SEL1L3: variants seen among roughly 807,000 people sequenced by gnomAD.
SEL1L3 encodes SEL1L family member 3, also known as protein sel-1 homolog 3.
SEL1L3 carries 76 observed loss-of-function variants against 142.8 expected under a neutral mutation model. The ratio of observed to expected loss-of-function variants is 0.53; its 90% CI spans 0.44 to 0.64. SEL1L3 has a LOEUF of 0.64. SEL1L3 is among the 30% of genes least tolerant of loss of function. SEL1L3 has a pLI of 0.00. For missense variants in SEL1L3, 1,262 were observed against 1,381.7 expected (o/e 0.91, Z 1.37); for synonymous variants, 504 against 519.6 (o/e 0.97, Z 0.41).
At chr4:25,824,128 G>A (rs1714943004) in intron 6 of SEL1L3, among the ~76,000 whole-genome samples, 1 of 152,192 alleles carries the variant, frequency 6.6e-6, no homozygotes, top group African/African-American at 2.4e-5. Flanking sequence ...TATTTAAGGA[G>A]AGGCCATAAA....
At chr4:25,748,641 C>T in intron 23 of SEL1L3, 77 bp from the exon 24 acceptor site, 1 of 1,478,148 alleles carries the variant, frequency 6.8e-7, no homozygotes. Flanking sequence ...CCTAGAGACT[C>T]TGGCAAGCCA....
rs1713432849 is a variant in SEL1L3 at position 25,804,677 on chromosome 4, C to T, written c.1640G>A (p.Ser547Asn). Residue 547 changes from serine (S) to asparagine (N), a missense_variant, in exon 10 of 24, where the codon AGC becomes AAC. Physicochemically the swap from Ser to Asn is conservative, Grantham distance 46. Around this residue, in one of 3 missense-constraint regions of SEL1L3, gnomAD observed 689 missense variants for 692.8 expected, o/e 0.99. Coordinates refer to ENST00000399878, the MANE Select transcript of SEL1L3 (RefSeq NM_015187.5). Reference protein sequence around the residue: ...IFEKAVKRLSSIDGLHQISSI... With the variant: ...IFEKAVKRLSNIDGLHQISSI... ...GCTAATTTGGTGAAGACCATCAATG[C>T]TAGAGAGTCTCTTTACAGCCTTCTC... The T allele has an allele frequency of 6.2e-7, 1 of 1,613,586 alleles. No individual in the cohort carries two copies. The highest frequency in any genetic ancestry group is 1.7e-5 in the Admixed American group (1 of 60,012).
intron 16 of SEL1L3, chr4:25,777,781 C>G (rs985669374): frequency 2.2e-6 from 1 of 454,086 alleles, no homozygotes; most frequent in African/African-American, 2.0e-5. Flanking sequence ...AGTTTATCAC[C>G]AAGGTCAGGT....
chr4:25,754,732 T>C (rs1717841437), intron 23 of SEL1L3, among the ~76,000 whole-genome samples: 1 of 152,172 alleles, frequency 6.6e-6, no homozygotes, highest in Non-Finnish European at 1.5e-5. Flanking sequence ...CAAAATCTAC[T>C]GAACTAGAAT....
intron 23 of SEL1L3, among the ~76,000 whole-genome samples, chr4:25,752,471 A>G (rs1292505404): frequency 6.6e-6 from 1 of 152,094 alleles, no homozygotes; most frequent in African/African-American, 2.4e-5. Flanking sequence ...CTAACAGCAA[A>G]GAAAAACATA....
At position 25,748,059 on chromosome 4, in the gene SEL1L3, A is replaced by C. The variant is rs985127255; in HGVS notation, c.*366T>G. The C allele has an allele frequency of 1.1e-5, 2 of 182,936 alleles. No homozygotes were observed. The highest frequency in any genetic ancestry group is 4.7e-5 in the African/African-American group (2 of 42,454). 11.3% of individuals were successfully genotyped at this position (182,936 alleles called of 1,614,324 possible). ...TTTTCTGTTCTTCAATAAAGGGATG[A>C]AGCACGCACTGTGATTCTTAAGACA... On this transcript the variant is annotated 3_prime_UTR_variant, in exon 24 of 24. Coordinates refer to ENST00000399878, the MANE Select transcript of SEL1L3 (RefSeq NM_015187.5).
intron 23 of SEL1L3, chr4:25,756,083 G>A (rs1473037641): frequency 5.1e-6 from 5 of 985,254 alleles, no homozygotes; most frequent in Admixed American, 6.2e-5. Context: ...CCTTCTCACC[G>A]TGGAAGAGAC....
At chr4:25,719,688 T>C in the SEL1L3 span, 2 of 152,146 alleles carry the variant, frequency 1.3e-5, no homozygotes, top group African/African-American at 4.8e-5. Context: ...ATTACAGAAT[T>C]TTTAGAGAAT....
the SEL1L3 span, among the ~76,000 whole-genome samples, chr4:25,722,730 T>G: frequency 1.3e-5 from 2 of 150,848 alleles, no homozygotes; most frequent in African/African-American, 4.9e-5. Flanking sequence ...ATGCTGGGAT[T>G]ACAGACATGA....
chr4:25,738,612 A>G, the SEL1L3 span, among the ~76,000 whole-genome samples: 1 of 152,204 alleles, frequency 6.6e-6, no homozygotes, highest in Non-Finnish European at 1.5e-5. Context: ...GAATACCAAT[A>G]AACATTCACC....
In SEL1L3 at chr4:25,833,559, A is replaced by G. The variant is rs1336547955; in HGVS notation, c.871T>C (p.Ser291Pro). Reference protein sequence around the residue: ...QRMDYPVFTVSLWLYLLHYCK... With the variant: ...QRMDYPVFTVPLWLYLLHYCK... ...TAATGGAGTAAATAAAGCCACAATG[A>G]AACAGTAAACCTATAAGAGTGAGGG... Residue 291 changes from serine (S) to proline (P), a missense_variant, in exon 4 of 24, where the codon TCA (serine) becomes CCA (proline). Around this residue, in one of 3 missense-constraint regions of SEL1L3, gnomAD observed 689 missense variants for 692.8 expected, o/e 0.99. Transcript: ENST00000399878. The G allele has an allele frequency of 6.2e-7, 1 of 1,611,472 alleles. No homozygotes were observed. Among genetic ancestry groups the G allele is most frequent in the Non-Finnish European group, 8.5e-7 (1 of 1,178,742 alleles).
At chr4:25,835,830 G>A (rs182410575) in intron 2 of SEL1L3, among the ~76,000 whole-genome samples, 269 of 152,258 alleles carry the variant, frequency 1.8e-3, no homozygotes, top group Non-Finnish European at 2.5e-3. Context: ...ACAGAGGCAC[G>A]GTTGCCAAAA....
intron 12 of SEL1L3, 108 bp downstream of exon 12, chr4:25,790,347 A>C: frequency 9.3e-7 from 1 of 1,070,622 alleles, no homozygotes; most frequent in Non-Finnish European, 1.4e-6. Flanking sequence ...AGTGAGAAAT[A>C]AACTGGCATT....
At chr4:25,816,417 G>A (rs1158278401) in intron 9 of SEL1L3, among the ~76,000 whole-genome samples, 41 of 151,978 alleles carry the variant, frequency 2.7e-4, no homozygotes, top group Admixed American at 2.6e-3. Flanking sequence ...ACAACATGAC[G>A]CAGCCTCCTG....
rs761292089 is a variant in SEL1L3, at chr4:25,747,682, G to A, written c.*743C>T. ...TAGAGGCTTACTTGCTGCATATTCC[G>A]TTGCTGCCAGTCTATTCTAACGTGT... On this transcript the variant is annotated 3_prime_UTR_variant, in exon 24 of 24. Coordinates refer to ENST00000399878, the MANE Select transcript of SEL1L3 (RefSeq NM_015187.5). 6.6e-6 allele frequency: 1 copy of A among 152,282 alleles called. No homozygotes were observed. 9.4% of individuals were successfully genotyped at this position (152,282 alleles called of 1,614,324 possible).
chr4:25,772,523 A>AT (rs1220181810), intron 17 of SEL1L3, among the ~76,000 whole-genome samples: 1 of 152,180 alleles, frequency 6.6e-6, no homozygotes, highest in Non-Finnish European at 1.5e-5. Flanking sequence ...TATGAGATAC[A>AT]TAAAAAATGC....
At chr4:25,835,173 C>G (rs1560344049) in intron 3 of SEL1L3, 24 bp downstream of exon 3, 1 of 1,613,454 alleles carries the variant, frequency 6.2e-7, no homozygotes, top group Non-Finnish European at 8.5e-7. Context: ...GCCCGATCAG[C>G]TCCCTTCTGC....
In SEL1L3 at chr4:25,757,575, A is replaced by G; in HGVS notation, c.3218T>C (p.Ile1073Thr). The G allele has an allele frequency of 6.4e-7, 1 of 1,551,334 alleles. No individual in the cohort carries two copies. Among genetic ancestry groups the G allele is most frequent in the Non-Finnish European group, 8.7e-7 (1 of 1,147,290 alleles). The change falls in exon 23 of 24, where the codon ATA (isoleucine) becomes ACA (threonine). Residue 1073 changes from isoleucine to threonine, a missense_variant. Ile to Thr is a moderately conservative substitution (Grantham distance 89). Around this residue, in one of 3 missense-constraint regions of SEL1L3, gnomAD observed 138 missense variants for 129.7 expected, o/e 1.06. Coordinates refer to ENST00000399878, the MANE Select transcript of SEL1L3 (RefSeq NM_015187.5). ...ATACTGCACAGTCCAGGCGATCAAT[A>G]TGGATAGCAGAAAGGTTCCCAGAAA... ...IYFLGTFLLS[I>T]LIAWTVQYFQ...
At chr4:25,718,577 G>A in the SEL1L3 span, 3 of 152,160 alleles carry the variant, frequency 2.0e-5, no homozygotes, top group Non-Finnish European at 4.4e-5. Flanking sequence ...TGTGGCTTAC[G>A]GAGGAGTAGC....
Sources: gnomAD v4.1 joint callset for allele counts (sites outside exome capture counted in the v4.1 genomes callset) on GRCh38, gnomAD v4.1.1 for gene constraint, gnomAD v4.1.1 regional missense constraint, MANE v1.5 for transcripts, NCBI Gene and HGNC (gene_info 2026-07-23, HGNC 2026-07-21) for gene names.